The following ATP11A variants were observed in gnomAD, a reference collection of about 807,000 sequenced individuals.
ATP11A encodes phospholipid-transporting ATPase IH.
Under a neutral mutation model 154.4 loss-of-function variants are expected in ATP11A, and 81 were observed. The observed-to-expected ratio is 0.52, with a 90% CI of 0.44 to 0.63. The LOEUF is 0.63. Ranked by LOEUF, ATP11A falls within the 30% of genes least tolerant of loss-of-function variation. The probability of loss-of-function intolerance (pLI) is 0.00; values close to 1 mark genes in which losing one functional copy is unlikely to be tolerated. For synonymous variants in ATP11A, 623 were observed against 585.9 expected (o/e 1.06, Z -0.91); for missense variants, 1,316 against 1,474.3 (o/e 0.89, Z 1.76).
chr13:112,867,468 G>A (rs1017012731), intron 25 of ATP11A, among the ~76,000 whole-genome samples: 3 of 152,222 alleles, frequency 2.0e-5, no homozygotes, highest in Non-Finnish European at 2.9e-5. Context: ...TAGGAGGGCA[G>A]CCCGGCTGTG....
rs1284965452 is a variant in ATP11A, at chr13:112,838,074, GA to G, written c.1705+1825del. On this transcript the variant is annotated intron_variant, in intron 16 of 29. Coordinates refer to ENST00000375645, the MANE Select transcript of ATP11A (RefSeq NM_015205.3). This position sits in a 1 kb window ranked among gnomAD's most constrained non-coding sequence, Gnocchi z 7.3. ...TGTCTACTGATGGTCATAGGATGAG[GA>G]ACAATCTGTGTGTGAATGTTGCCAG... Among the ~76,000 whole-genome samples, 4 of 152,166 alleles carry G rather than the reference GA, an allele frequency of 2.6e-5. No homozygotes were observed. The highest frequency in any genetic ancestry group is 6.5e-5 in the Admixed American group (1 of 15,272).
intron 17 of ATP11A, among the ~76,000 whole-genome samples, chr13:112,843,690 C>A (rs751615677): frequency 1.3e-5 from 2 of 152,164 alleles, no homozygotes; most frequent in Non-Finnish European, 2.9e-5. Flanking sequence ...CGCTGTCAGT[C>A]GCAACACTTG....
At chr13:112,768,016 G>A (rs759139328) in intron 1 of ATP11A, among the ~76,000 whole-genome samples, 23 of 152,310 alleles carry the variant, frequency 1.5e-4, no homozygotes, top group Middle Eastern at 3.4e-3. Flanking sequence ...CTTGGTGGTG[G>A]CTTTGGTGGC....
In ATP11A at chr13:112,832,937, C is replaced by T. The variant is rs768697770; in HGVS notation, c.1473C>T (p.Gly491=). Residue 491 remains glycine, a synonymous_variant, in exon 14 of 30, where the codon GGC becomes GGT. Transcript: ENST00000375645. ...TGAAAGACGATGACAGCGTAGACGG[C>T]CCCAGGAAATCGCCGGACGGGGGGA... ...VQVKDDDSVD[G]PRKSPDGGKS... 7.4e-6 allele frequency: 12 copies of T among 1,613,934 alleles called. No homozygotes were observed. The highest frequency in any genetic ancestry group is 1.3e-5 in the African/African-American group (1 of 74,912).
chr13:112,783,766 G>A (rs1422165679), intron 1 of ATP11A, among the ~76,000 whole-genome samples: 2 of 152,262 alleles, frequency 1.3e-5, no homozygotes, highest in Non-Finnish European at 2.9e-5. Flanking sequence ...GTGGCGTTTG[G>A]ATTTCCCGTT....
At chr13:112,822,141 A>G (rs1377115846) in intron 8 of ATP11A, among the ~76,000 whole-genome samples, 19 of 152,262 alleles carry the variant, frequency 1.2e-4, no homozygotes, top group Non-Finnish European at 1.5e-5. Context: ...AATGAAAAGC[A>G]AACTTCAGCA....
At chr13:112,879,175 C>A (rs1240745470) in intron 29 of ATP11A, among the ~76,000 whole-genome samples, 7 of 152,228 alleles carry the variant, frequency 4.6e-5, no homozygotes, top group African/African-American at 1.4e-4. Flanking sequence ...TTTGAAAATG[C>A]ATACTTGGTA....
chr13:112,853,816 C>T (rs1222492923), intron 18 of ATP11A, among the ~76,000 whole-genome samples: 1 of 152,108 alleles, frequency 6.6e-6, no homozygotes, highest in Non-Finnish European at 1.5e-5. Context: ...GTACCTGGAC[C>T]CCAAGTGGGT....
At position 112,725,760 on chromosome 13, in the gene ATP11A, A is replaced by G. The variant is rs80160686; in HGVS notation, c.39+35305A>G. ...GAGAAGCTTCTATTTGTGGAGGATG[A>G]CTAAGGACAACGTCCCTGAGGGTGG... On this transcript the variant is annotated intron_variant, in intron 1 of 29. Transcript: ENST00000375645. Among the ~76,000 whole-genome samples, 1,105 of 152,352 alleles carry G rather than the reference A, an allele frequency of 7.3e-3. 9 individuals are homozygous for G. Among genetic ancestry groups the G allele is most frequent in the African/African-American group, 0.025 (1,043 of 41,590 alleles).
At chr13:112,881,550 G>A (rs1412914088) in intron 29 of ATP11A, 3 of 1,150,166 alleles carry the variant, frequency 2.6e-6, no homozygotes, top group Non-Finnish European at 3.3e-6. Context: ...TCTTCCCTGG[G>A]ATGGTGGGAC....
At chr13:112,873,998 A>G (rs1286881187) in intron 27 of ATP11A, among the ~76,000 whole-genome samples, 1 of 152,240 alleles carries the variant, frequency 6.6e-6, no homozygotes. Flanking sequence ...GTGACTTTTC[A>G]GAAACAGTCA....
chr13:112,777,292 G>A (rs149286556), intron 1 of ATP11A, among the ~76,000 whole-genome samples: 1 of 152,334 alleles, frequency 6.6e-6, no homozygotes, highest in East Asian at 1.9e-4. Flanking sequence ...GGCTGGGCAT[G>A]GTGGCTCACG....
intron 16 of ATP11A, among the ~76,000 whole-genome samples, chr13:112,841,396 G>A (rs1354605350): frequency 2.4e-4 from 32 of 133,312 alleles, no homozygotes; most frequent in East Asian, 4.9e-4. Flanking sequence ...CAAACCAGCC[G>A]CCTGGCAGAG....
chr13:112,851,594 TCA>T (rs1307500743), intron 18 of ATP11A: 1 of 165,866 alleles, frequency 6.0e-6, no homozygotes, highest in African/African-American at 2.4e-5. Context: ...CCATCACAAC[TCA>T]CTGCAGTCTA....
intron 25 of ATP11A, among the ~76,000 whole-genome samples, chr13:112,870,113 C>T (rs971965815): frequency 1.3e-5 from 2 of 151,800 alleles, no homozygotes; most frequent in Admixed American, 6.6e-5. Flanking sequence ...CAGGCATTTC[C>T]AAGCCAGAAG....
rs1333659202 is a variant in ATP11A, at chr13:112,807,549, T to A, written c.333+1256T>A. ...CGCGCTGCCTGTGACTCAGGCAGTT[T>A]AACTCCTACCTGGGATAAGGCCTCA... On this transcript the variant is annotated intron_variant, in intron 4 of 29. Coordinates refer to ENST00000375645, the MANE Select transcript of ATP11A (RefSeq NM_015205.3). This position sits in a 1 kb window ranked among gnomAD's most constrained non-coding sequence, Gnocchi z 4.5. Among the ~76,000 whole-genome samples the A allele has an allele frequency of 1.3e-5, 2 of 152,186 alleles. No homozygotes were observed. The highest frequency in any genetic ancestry group is 2.9e-5 in the Non-Finnish European group (2 of 68,034).
intron 1 of ATP11A, among the ~76,000 whole-genome samples, chr13:112,767,917 C>T (rs1319658113): frequency 2.0e-5 from 3 of 152,148 alleles, no homozygotes. Flanking sequence ...GGTTTCGCTG[C>T]TGGCTGGGGA....
rs759144980 is a variant in ATP11A, at chr13:112,832,958, G to A, written c.1494G>A (p.Gly498=). 7 of 1,613,828 alleles carry A rather than the reference G, an allele frequency of 4.3e-6. No individual in the cohort carries two copies. In the Admixed American group the frequency reaches 8.3e-5, roughly 19 times the overall value. Residue 498 remains glycine, a synonymous_variant, in exon 14 of 30, where the codon GGG becomes GGA. Transcript: ENST00000375645. ...ACGGCCCCAGGAAATCGCCGGACGG[G>A]GGGAAATCCTGTGTGTACATCTCAT... ...SVDGPRKSPD[G]GKSCVYISSS... is the part of the protein sequence containing the mutation.
At chr13:112,843,606 G>C (rs1249586230) in intron 17 of ATP11A, among the ~76,000 whole-genome samples, 1 of 152,220 alleles carries the variant, frequency 6.6e-6, no homozygotes, top group Non-Finnish European at 1.5e-5. Context: ...TGAACCGAGA[G>C]AACCTTGGAC....
Sources: gnomAD v4.1 joint callset for allele counts (sites outside exome capture counted in the v4.1 genomes callset) on GRCh38, gnomAD v4.1.1 for gene constraint, Gnocchi (gnomAD v3.1) non-coding constraint, MANE v1.5 for transcripts, NCBI Gene and HGNC (gene_info 2026-07-23, HGNC 2026-07-21) for gene names.